FAAH2: variants seen among roughly 807,000 people sequenced by gnomAD.
FAAH2 encodes the protein fatty acid amide hydrolase 2, also known as fatty-acid amide hydrolase 2.
FAAH2 carries 60 observed loss-of-function variants against 36.9 expected under a neutral mutation model. That is an observed-to-expected ratio of 1.63 (90% confidence interval 1.32 to 2.02). FAAH2 has a LOEUF of 2.02. Ranked by LOEUF, FAAH2 falls within the 30% of genes most tolerant of loss-of-function variation. FAAH2 has a pLI of 0.00. For synonymous variants in FAAH2, 214 were observed against 143.8 expected (o/e 1.49, Z -3.49); for missense variants, 689 against 397.5 (o/e 1.73, Z -6.23).
the FAAH2 span, among the ~76,000 whole-genome samples, chrX:57,276,626 G>T: frequency 9.0e-6 from 1 of 111,321 alleles, no homozygotes; most frequent in African/African-American, 3.3e-5. Context: ...AAAAATCAAT[G>T]AATCCAGGAG....
intron 6 of FAAH2, among the ~76,000 whole-genome samples, chrX:57,379,830 A>G (rs1308777977): frequency 4.3e-5 from 3 of 69,861 alleles, no homozygotes; most frequent in Non-Finnish European, 7.8e-5. Flanking sequence ...TTTTTTTTGC[A>G]TTTTTGCTAA....
At chrX:57,162,266 C>T in the FAAH2 span, among the ~76,000 whole-genome samples, 2 of 111,582 alleles carry the variant, frequency 1.8e-5, no homozygotes, top group African/African-American at 6.5e-5. Context: ...GAGGGTAACC[C>T]AACCTTTCTC....
At chrX:57,290,075 G>C (rs761503774) in intron 1 of FAAH2, among the ~76,000 whole-genome samples, 1 of 111,357 alleles carries the variant, frequency 9.0e-6, no homozygotes, top group South Asian at 3.8e-4. Flanking sequence ...CTGTAAAATG[G>C]GGATAACATT....
chrX:57,488,705 C>T (rs1210514393), intron 10 of FAAH2, 52 bp from the exon 11 acceptor site: 6 of 1,119,299 alleles, frequency 5.4e-6, no homozygotes, highest in Admixed American at 5.3e-5. Flanking sequence ...TGAAAAAATA[C>T]GTTTTCAGGA....
chrX:57,261,250 A>T, the FAAH2 span, among the ~76,000 whole-genome samples: 1 of 111,554 alleles, frequency 9.0e-6, no homozygotes, highest in Non-Finnish European at 1.9e-5. Flanking sequence ...GATAAATCTA[A>T]AAAACAATTT....
chrX:57,212,469 A>T, the FAAH2 span, among the ~76,000 whole-genome samples: 3 of 112,603 alleles, frequency 2.7e-5, no homozygotes, highest in Non-Finnish European at 5.6e-5. Context: ...GAATAAAATA[A>T]AAAATCAATT....
At chrX:57,251,982 C>T in the FAAH2 span, among the ~76,000 whole-genome samples, 18 of 112,052 alleles carry the variant, frequency 1.6e-4, no homozygotes, top group Admixed American at 8.5e-4. Flanking sequence ...CCTGGAGGAG[C>T]GGTACACTCC....
intron 7 of FAAH2, among the ~76,000 whole-genome samples, chrX:57,392,364 G>T (rs1317211302): frequency 9.1e-6 from 1 of 110,439 alleles, no homozygotes; most frequent in Admixed American, 9.6e-5. Context: ...TTCAGTTCTT[G>T]TTTTTTTTGT....
chrX:57,313,831 A>G (rs2052761602), intron 3 of FAAH2, among the ~76,000 whole-genome samples: 1 of 111,451 alleles, frequency 9.0e-6, no homozygotes, highest in Non-Finnish European at 1.9e-5. Context: ...ATGCACTATA[A>G]AACAACTATG....
chrX:57,480,103 A>G (rs1360771977), intron 10 of FAAH2, among the ~76,000 whole-genome samples: 2 of 111,509 alleles, frequency 1.8e-5, no homozygotes, highest in Non-Finnish European at 3.8e-5. Flanking sequence ...CAGGCTCTGA[A>G]ATTGTGGCAA....
chrX:57,280,666 C>CTA, the FAAH2 span, among the ~76,000 whole-genome samples: 1 of 108,383 alleles, frequency 9.2e-6, no homozygotes, highest in Non-Finnish European at 1.9e-5. Context: ...AAAAAAAACA[C>CTA]TAAAAATGCA....
At chrX:57,173,893 C>A in the FAAH2 span, among the ~76,000 whole-genome samples, 2 of 111,270 alleles carry the variant, frequency 1.8e-5, no homozygotes, top group Non-Finnish European at 3.8e-5. Context: ...TATGTTGAAA[C>A]ATTCCTGCAT....
the FAAH2 span, among the ~76,000 whole-genome samples, chrX:57,234,250 A>C: frequency 9.0e-6 from 1 of 111,445 alleles, no homozygotes; most frequent in Non-Finnish European, 1.9e-5. Flanking sequence ...AAAATGTCAA[A>C]AAGCAGCACA....
At chrX:57,366,145 T>C (rs1186362572) in intron 5 of FAAH2, among the ~76,000 whole-genome samples, 1 of 112,097 alleles carries the variant, frequency 8.9e-6, no homozygotes, top group Non-Finnish European at 1.9e-5. Flanking sequence ...TCTTTCTTTC[T>C]TTCTTTCTTT....
At chrX:57,302,897 C>G (rs1057171071) in intron 2 of FAAH2, among the ~76,000 whole-genome samples, 2 of 111,033 alleles carry the variant, frequency 1.8e-5, no homozygotes, top group Non-Finnish European at 3.8e-5. Flanking sequence ...CTTGTTTCAG[C>G]TTGGCTGAAA....
the FAAH2 span, chrX:57,136,250 T>C: frequency 8.3e-6 from 10 of 1,205,503 alleles, no homozygotes; most frequent in Non-Finnish European, 1.1e-5. Flanking sequence ...TAATGTGAGA[T>C]GATGCCACCC....
chrX:57,275,939 T>G, the FAAH2 span, among the ~76,000 whole-genome samples: 1 of 111,529 alleles, frequency 9.0e-6, no homozygotes, highest in African/African-American at 3.3e-5. Flanking sequence ...CTTAGATACC[T>G]ACAAAGAGAC....
At chrX:57,427,429 T>A (rs753796189) in intron 7 of FAAH2, among the ~76,000 whole-genome samples, 5 of 111,103 alleles carry the variant, frequency 4.5e-5, no homozygotes, top group Admixed American at 1.9e-4. Flanking sequence ...CAAAGCCACA[T>A]ATAAACATAT....
chrX:57,202,570 G>T, the FAAH2 span, among the ~76,000 whole-genome samples: 1 of 111,897 alleles, frequency 8.9e-6, no homozygotes, highest in Admixed American at 9.5e-5. Context: ...CATTAGGACT[G>T]CATGGGGACA....
Sources: gnomAD v4.1 joint callset for allele counts (sites outside exome capture counted in the v4.1 genomes callset) on GRCh38, gnomAD v4.1.1 for gene constraint, MANE v1.5 for transcripts, NCBI Gene and HGNC (gene_info 2026-07-23, HGNC 2026-07-21) for gene names.